MSRA: variants seen among roughly 807,000 people sequenced by gnomAD.
The protein encoded by MSRA is mitochondrial peptide methionine sulfoxide reductase.
In MSRA, 54 loss-of-function variants were observed where a neutral mutation model predicts 31.3. The ratio of observed to expected loss-of-function variants is 1.73; its 90% confidence interval spans 1.39 to 2.17. The LOEUF (loss-of-function observed/expected upper bound fraction) is 2.17. MSRA is among the 30% of genes most tolerant of loss of function. The pLI, the probability that MSRA is intolerant of heterozygous loss-of-function variation, is 0.00. For missense variants in MSRA, 507 were observed against 300.9 expected, an observed-to-expected ratio of 1.69 and a Z score of -5.07; for synonymous variants, 169 against 116.5, an observed-to-expected ratio of 1.45 and a Z score of -2.90.
chr8:10,344,468 G>C (rs1350295047), intron 5 of MSRA, among the ~76,000 whole-genome samples: 2 of 151,748 alleles, frequency 1.3e-5, no homozygotes, highest in African/African-American at 2.4e-5. Context: ...CAGCTACTGG[G>C]GAGGCTGAGG....
At chr8:10,194,507 G>C (rs1011690892) in intron 1 of MSRA, among the ~76,000 whole-genome samples, 30 of 152,108 alleles carry the variant, frequency 2.0e-4, no homozygotes, top group African/African-American at 6.0e-4. Context: ...CAGAGGTTGC[G>C]GTGAGCCAAG....
At chr8:10,081,974 A>G (rs150791856) in intron 1 of MSRA, among the ~76,000 whole-genome samples, 200 of 152,264 alleles carry the variant, frequency 1.3e-3, no homozygotes, top group African/African-American at 4.6e-3. Context: ...GGCCAAGGCA[A>G]GAGGACTGCT....
intron 1 of MSRA, among the ~76,000 whole-genome samples, chr8:10,120,830 C>T (rs759624076): frequency 7.9e-5 from 12 of 152,162 alleles, no homozygotes; most frequent in South Asian, 2.1e-4. Flanking sequence ...TACATGGTTT[C>T]GGCTTATTTG....
At chr8:10,368,360 G>C (rs988612450) in intron 5 of MSRA, among the ~76,000 whole-genome samples, 3 of 152,248 alleles carry the variant, frequency 2.0e-5, no homozygotes, top group African/African-American at 7.2e-5. Flanking sequence ...AAGATGTGCA[G>C]ATAAGATGGA....
intron 1 of MSRA, among the ~76,000 whole-genome samples, chr8:10,148,616 C>T (rs555867395): frequency 7.3e-4 from 110 of 151,132 alleles, no homozygotes; most frequent in Non-Finnish European, 1.6e-4. Context: ...CATTGCACTT[C>T]AGCCTGGGCA....
intron 3 of MSRA, among the ~76,000 whole-genome samples, chr8:10,258,204 C>T (rs1798284063): frequency 6.6e-6 from 1 of 152,286 alleles, no homozygotes; most frequent in South Asian, 2.1e-4. Context: ...AGAATGGACG[C>T]AGGGACAGTC....
At chr8:10,090,058 G>C (rs1563422505) in intron 1 of MSRA, among the ~76,000 whole-genome samples, 1 of 152,190 alleles carries the variant, frequency 6.6e-6, no homozygotes, top group East Asian at 1.9e-4. Flanking sequence ...GTCAGATCTT[G>C]GGTTACTATT....
At chr8:10,065,077 C>A (rs570267228) in intron 1 of MSRA, among the ~76,000 whole-genome samples, 1 of 152,054 alleles carries the variant, frequency 6.6e-6, no homozygotes, top group African/African-American at 2.4e-5. Flanking sequence ...AGGCAGTTTA[C>A]AAAGAGCCAC....
intron 3 of MSRA, among the ~76,000 whole-genome samples, chr8:10,284,145 A>G (rs917823929): frequency 5.9e-5 from 9 of 151,858 alleles, no homozygotes; most frequent in Admixed American, 2.6e-4. Context: ...TTGAGGGATA[A>G]TTGGTTAATT....
intron 1 of MSRA, among the ~76,000 whole-genome samples, chr8:10,061,529 G>C (rs761652255): frequency 8.6e-5 from 13 of 151,948 alleles, no homozygotes; most frequent in Non-Finnish European, 1.6e-4. Context: ...CACGGAACTC[G>C]CACAATCTGT....
At chr8:10,251,209 T>G (rs1236373034) in intron 3 of MSRA, among the ~76,000 whole-genome samples, 1 of 69,734 alleles carries the variant, frequency 1.4e-5, no homozygotes, top group Non-Finnish European at 3.8e-5. Context: ...CTCAGTATAC[T>G]TTTTTTTTTT....
intron 3 of MSRA, chr8:10,250,649 G>A: frequency 1.7e-6 from 1 of 600,458 alleles, no homozygotes; most frequent in Non-Finnish European, 3.0e-6. Flanking sequence ...AGGAGCCCAG[G>A]TGTGGGAAGA....
intron 5 of MSRA, among the ~76,000 whole-genome samples, chr8:10,375,449 C>T (rs1280690675): frequency 6.6e-6 from 1 of 152,218 alleles, no homozygotes; most frequent in Non-Finnish European, 1.5e-5. Context: ...CTTCTATCTT[C>T]GTGCCCCTAG....
intron 1 of MSRA, among the ~76,000 whole-genome samples, chr8:10,168,091 G>T (rs1207513201): frequency 6.6e-6 from 1 of 152,084 alleles, no homozygotes; most frequent in South Asian, 2.1e-4. Flanking sequence ...GTGTCCTTGG[G>T]CAAGTCCCTA....
intron 1 of MSRA, among the ~76,000 whole-genome samples, chr8:10,105,772 C>T (rs1043749559): frequency 1.3e-5 from 2 of 152,166 alleles, no homozygotes; most frequent in Admixed American, 6.6e-5. Context: ...GCTGAGGCTC[C>T]TTGTGTATCT....
At chr8:10,256,859 T>G (rs1798210369) in intron 3 of MSRA, among the ~76,000 whole-genome samples, 1 of 152,166 alleles carries the variant, frequency 6.6e-6, no homozygotes. Context: ...GGGAGGACCT[T>G]GGGCTTCATC....
chr8:10,236,694 G>A (rs1377274891), intron 2 of MSRA, among the ~76,000 whole-genome samples: 4 of 152,054 alleles, frequency 2.6e-5, no homozygotes, highest in African/African-American at 7.2e-5. Context: ...ACAGGTGCAC[G>A]CCACCACACC....
At chr8:10,108,123 G>C (rs989802034) in intron 1 of MSRA, among the ~76,000 whole-genome samples, 19 of 152,140 alleles carry the variant, frequency 1.2e-4, no homozygotes, top group Admixed American at 1.0e-3. Context: ...CTGCAAGTGA[G>C]AGAAATATAA....
At chr8:10,352,018 C>A (rs1433027538) in intron 5 of MSRA, among the ~76,000 whole-genome samples, 1 of 152,188 alleles carries the variant, frequency 6.6e-6, no homozygotes, top group Non-Finnish European at 1.5e-5. Context: ...TTAGTCGAAT[C>A]ACTAAGATTT....
Sources: allele counts gnomAD v4.1 joint callset (sites outside exome capture counted in the v4.1 genomes callset), GRCh38; gene constraint gnomAD v4.1.1; transcripts MANE v1.5; gene names NCBI Gene and HGNC (gene_info 2026-07-23, HGNC 2026-07-21).